NDE1: variants seen among roughly 807,000 people sequenced by gnomAD.
NDE1 encodes the protein nudE neurodevelopment protein 1.
NDE1 carries 28 observed loss-of-function variants against 43.4 expected under a neutral mutation model. That is an observed-to-expected ratio of 0.65 (90% CI 0.48 to 0.89). The LOEUF is 0.89. NDE1 is among the 40% of genes least tolerant of loss of function. The pLI is 0.00. For missense variants in NDE1, 441 were observed against 434.1 expected (o/e 1.02, Z -0.14); for synonymous variants, 184 against 172.0 (o/e 1.07, Z -0.55).
At chr16:15,702,895 C>T (rs971590740) in intron 8 of NDE1, among the ~76,000 whole-genome samples, 4 of 152,124 alleles carry the variant, frequency 2.6e-5, no homozygotes, top group African/African-American at 9.7e-5. Flanking sequence ...ATTTCTCTCC[C>T]CTGCCCTCCC....
At chr16:15,662,632 A>G (rs1279351358) in intron 1 of NDE1, among the ~76,000 whole-genome samples, 1 of 151,984 alleles carries the variant, frequency 6.6e-6, no homozygotes, top group Non-Finnish European at 1.5e-5. Context: ...GCTTTAGTGC[A>G]GTGGCACTAT....
intron 5 of NDE1, among the ~76,000 whole-genome samples, chr16:15,688,954 T>A (rs2038591258): frequency 6.6e-6 from 1 of 151,974 alleles, no homozygotes; most frequent in Non-Finnish European, 1.5e-5. Context: ...TGCCTCGGCC[T>A]CCCAAAGTGC....
chr16:15,714,801 G>A (rs1326260452), intron 8 of NDE1: 3 of 1,329,756 alleles, frequency 2.3e-6, no homozygotes, highest in Non-Finnish European at 2.1e-6. Flanking sequence ...ACAGAAGGGA[G>A]TGGCGGCTGT....
chr16:15,679,165 C>G (rs1334839130), intron 4 of NDE1, among the ~76,000 whole-genome samples: 2 of 152,162 alleles, frequency 1.3e-5, no homozygotes, highest in Non-Finnish European at 2.9e-5. Flanking sequence ...GGGTCTTGCT[C>G]TGTTACCCAG....
chr16:15,697,290 C>T (rs2039059690), intron 8 of NDE1, among the ~76,000 whole-genome samples: 1 of 152,104 alleles, frequency 6.6e-6, no homozygotes, highest in African/African-American at 2.4e-5. Context: ...TGATCCTCAC[C>T]CTTCATCCTC....
chr16:15,673,737 G>A lies in NDE1; in HGVS notation c.238-4064G>A, dbSNP rs190400856. Among the ~76,000 whole-genome samples, 6 of 152,156 alleles carry A rather than the reference G, an allele frequency of 3.9e-5. No individual in the cohort carries two copies. The East Asian group carries it at 1.2e-3, about 29-fold the overall frequency. On this transcript the variant is annotated intron_variant, in intron 3 of 8. Transcript: ENST00000396354. ...TGTAGAGATGGAGTCTTCCTATGTT[G>A]CCTAGGCTAATATGCCTCTGCCACC...
At chr16:15,713,199 G>A (rs1156834692) in intron 8 of NDE1, 1 of 152,020 alleles carries the variant, frequency 6.6e-6, no homozygotes, top group Non-Finnish European at 1.5e-5. Context: ...AGAGGGTCGG[G>A]TCCAATGGAG....
At position 15,720,824 on chromosome 16, in the gene NDE1, C is replaced by T; in HGVS notation, c.948-3367C>T. ...CACCCGACCTCCCTCTGCTGGCCTC[C>T]CCGGCAGCACGCACCTGTCTCTGCA... On this transcript the variant is annotated intron_variant, in intron 8 of 8. Coordinates refer to ENST00000396354, the MANE Select transcript of NDE1 (RefSeq NM_017668.3). The T allele has an allele frequency of 1.2e-6, 2 of 1,612,766 alleles. No individual in the cohort carries two copies. The highest frequency in any genetic ancestry group is 2.2e-5 in the East Asian group (1 of 44,858).
At chr16:15,695,055 C>T (rs2038943721) in intron 7 of NDE1, 2 of 281,536 alleles carry the variant, frequency 7.1e-6, no homozygotes, top group South Asian at 1.4e-4. Context: ...TGATGGTGTA[C>T]ACTGGTGGTC....
At chr16:15,697,007 G>A (rs2039048966) in intron 8 of NDE1, 147 bp downstream of exon 8, 3 of 1,533,978 alleles carry the variant, frequency 2.0e-6, no homozygotes, top group Non-Finnish European at 2.6e-6. Context: ...CTCCCTGCAG[G>A]CAGCATTAGG....
At chr16:15,675,122 G>A (rs1426141777) in intron 3 of NDE1, among the ~76,000 whole-genome samples, 1 of 152,014 alleles carries the variant, frequency 6.6e-6, no homozygotes, top group East Asian at 1.9e-4. Flanking sequence ...GATTCAAGGT[G>A]CTCAAGGGGC....
At chr16:15,657,802 A>G (rs1293640258) in intron 1 of NDE1, among the ~76,000 whole-genome samples, 2 of 151,886 alleles carry the variant, frequency 1.3e-5, no homozygotes, top group African/African-American at 2.4e-5. Flanking sequence ...GGGTTTCACC[A>G]TGTTGCCCAG....
At chr16:15,717,602 C>G in intron 8 of NDE1, 1 of 582,836 alleles carries the variant, frequency 1.7e-6, no homozygotes, top group Admixed American at 3.0e-5. Context: ...CGAGACCTGC[C>G]TGGCCAACAT....
chr16:15,644,442 A>ACACAT (rs1279728303), intron 1 of NDE1, among the ~76,000 whole-genome samples: 2 of 152,180 alleles, frequency 1.3e-5, no homozygotes, highest in African/African-American at 4.8e-5. Flanking sequence ...GATGACAAGC[A>ACACAT]CACATCCTCT....
intron 8 of NDE1, chr16:15,721,816 A>G: frequency 1.5e-6 from 1 of 646,050 alleles, no homozygotes; most frequent in Non-Finnish European, 2.7e-6. Context: ...CATCAACCTT[A>G]TGCAGAGCCA....
chr16:15,648,822 T>G (rs1002680884), upstream of NDE1, among the ~76,000 whole-genome samples: 1 of 151,266 alleles, frequency 6.6e-6, no homozygotes, highest in Non-Finnish European at 1.5e-5. Flanking sequence ...AAGAAAAAAA[T>G]TATTTTTTAA....
upstream of NDE1, chr16:15,649,455 TA>T: frequency 6.6e-6 from 1 of 152,242 alleles, no homozygotes; most frequent in East Asian, 1.9e-4. Flanking sequence ...GCCTCCTGAG[TA>T]GCTGGGATTA....
At chr16:15,661,001 A>G (rs1170289513) in intron 1 of NDE1, among the ~76,000 whole-genome samples, 4 of 152,102 alleles carry the variant, frequency 2.6e-5, no homozygotes, top group East Asian at 1.9e-4. Context: ...CTATAGACGC[A>G]TGACTTTCAA....
intron 8 of NDE1, among the ~76,000 whole-genome samples, chr16:15,698,502 C>A (rs892859797): frequency 6.6e-6 from 1 of 152,092 alleles, no homozygotes; most frequent in East Asian, 1.9e-4. Flanking sequence ...GTAGCAGACA[C>A]GTGACAGGAA....
Sources: allele counts gnomAD v4.1 joint callset (sites outside exome capture counted in the v4.1 genomes callset), GRCh38; gene constraint gnomAD v4.1.1; transcripts MANE v1.5; gene names NCBI Gene and HGNC (gene_info 2026-07-23, HGNC 2026-07-21).